RIMS2: variants seen among roughly 807,000 people sequenced by gnomAD.
RIMS2 encodes the protein regulating synaptic membrane exocytosis 2.
Under a neutral mutation model 174.4 loss-of-function variants are expected in RIMS2, and 59 were observed. The ratio of observed to expected loss-of-function variants is 0.34; its 90% confidence interval spans 0.27 to 0.42. The LOEUF is 0.42. Ranked by LOEUF, RIMS2 falls within the 10% of genes least tolerant of loss-of-function variation. The pLI is 1.00. For missense variants in RIMS2, 1,620 were observed against 1,666.3 expected (o/e 0.97, Z 0.48); for synonymous variants, 606 against 572.5 (o/e 1.06, Z -0.84).
chr8:103,759,430 C>T (rs201052396), intron 2 of RIMS2, among the ~76,000 whole-genome samples: 2 of 151,620 alleles, frequency 1.3e-5, no homozygotes, highest in Non-Finnish European at 2.9e-5. Context: ...CTGGGCGTGG[C>T]GGTGGGCGCC....
chr8:104,037,566 G>A (rs1157579510), intron 19 of RIMS2, among the ~76,000 whole-genome samples: 2 of 152,160 alleles, frequency 1.3e-5, no homozygotes, highest in East Asian at 3.9e-4. Context: ...TGCGTTTGTG[G>A]ATAAAGAGGC....
chr8:104,074,191 A>G (rs1211161265), intron 19 of RIMS2, among the ~76,000 whole-genome samples: 2 of 152,190 alleles, frequency 1.3e-5, no homozygotes, highest in African/African-American at 4.8e-5. Context: ...AATGTAAGTC[A>G]GGAATACTTT....
chr8:104,243,807 C>G (rs1256235024), intron 19 of RIMS2, among the ~76,000 whole-genome samples: 2 of 152,190 alleles, frequency 1.3e-5, no homozygotes, highest in Non-Finnish European at 2.9e-5. Context: ...TAATCGAGTA[C>G]AAATCATTTG....
intron 19 of RIMS2, among the ~76,000 whole-genome samples, chr8:104,217,416 G>A (rs573259706): frequency 2.6e-5 from 4 of 152,010 alleles, no homozygotes; most frequent in East Asian, 3.9e-4. Context: ...CTACAGGCAC[G>A]CACCACCACA....
chr8:103,733,826 T>G (rs895097327), intron 2 of RIMS2, among the ~76,000 whole-genome samples: 4 of 152,180 alleles, frequency 2.6e-5, no homozygotes, highest in South Asian at 2.1e-4. Flanking sequence ...TTTAAGATGG[T>G]CTTTTCTATC....
intron 14 of RIMS2, among the ~76,000 whole-genome samples, chr8:103,947,417 C>A (rs115809865): frequency 0.011 from 1,680 of 152,240 alleles, 41 homozygotes; most frequent in African/African-American, 0.038. Flanking sequence ...ATAGAGTGCA[C>A]TTACACAAGC....
intron 3 of RIMS2, among the ~76,000 whole-genome samples, chr8:103,798,469 A>G (rs952859464): frequency 6.6e-6 from 1 of 152,184 alleles, no homozygotes; most frequent in Non-Finnish European, 1.5e-5. Context: ...TTTCTATATT[A>G]TCAGTTTTTC....
intron 1 of RIMS2, among the ~76,000 whole-genome samples, chr8:103,627,500 G>T (rs909605914): frequency 6.6e-6 from 1 of 152,200 alleles, no homozygotes; most frequent in African/African-American, 2.4e-5. Context: ...ATTGATTGGG[G>T]AAGTGATAAA....
At chr8:103,842,768 T>C (rs141946858) in intron 3 of RIMS2, among the ~76,000 whole-genome samples, 2 of 152,360 alleles carry the variant, frequency 1.3e-5, no homozygotes, top group African/African-American at 4.8e-5. Flanking sequence ...TACTCATCTG[T>C]ATTAGTTTGC....
At chr8:103,725,268 T>G (rs1236877341) in intron 2 of RIMS2, among the ~76,000 whole-genome samples, 1 of 152,144 alleles carries the variant, frequency 6.6e-6, no homozygotes, top group Non-Finnish European at 1.5e-5. Context: ...ATGCACAGAA[T>G]TTAAGTATAG....
intron 2 of RIMS2, among the ~76,000 whole-genome samples, chr8:103,761,507 G>T (rs1257824735): frequency 2.0e-5 from 3 of 152,104 alleles, no homozygotes; most frequent in African/African-American, 7.2e-5. Context: ...TTTTCCTGTG[G>T]CTTCCTTATC....
At chr8:104,005,920 ACTATGTT>A (rs2095559761) in intron 17 of RIMS2, among the ~76,000 whole-genome samples, 1 of 151,880 alleles carries the variant, frequency 6.6e-6, no homozygotes, top group African/African-American at 2.4e-5. Context: ...TAGAACATAG[ACTATGTT>A]CTATGTTCTA....
intron 3 of RIMS2, among the ~76,000 whole-genome samples, chr8:103,767,481 G>A (rs1332550927): frequency 1.3e-5 from 2 of 151,936 alleles, no homozygotes; most frequent in Admixed American, 6.6e-5. Context: ...CACCGTGCCC[G>A]GCCTATTTTT....
At chr8:104,061,007 G>T (rs2096975511) in intron 19 of RIMS2, among the ~76,000 whole-genome samples, 1 of 152,116 alleles carries the variant, frequency 6.6e-6, no homozygotes. Flanking sequence ...GTCAATTTTG[G>T]AATAGGTGCA....
intron 4 of RIMS2, among the ~76,000 whole-genome samples, chr8:103,907,031 G>T (rs1001626860): frequency 1.3e-5 from 2 of 152,188 alleles, no homozygotes; most frequent in African/African-American, 4.8e-5. Flanking sequence ...TATTGTGTGT[G>T]TTAGGTAATA....
intron 1 of RIMS2, among the ~76,000 whole-genome samples, chr8:103,664,057 T>A (rs899578807): frequency 6.6e-6 from 1 of 152,196 alleles, no homozygotes; most frequent in African/African-American, 2.4e-5. Flanking sequence ...TCAATGGTGC[T>A]GGGAAAACTG....
chr8:103,843,757 A>G (rs940154502), intron 3 of RIMS2, among the ~76,000 whole-genome samples: 1 of 152,194 alleles, frequency 6.6e-6, no homozygotes, highest in Non-Finnish European at 1.5e-5. Context: ...ATGCTATGGC[A>G]TATCTATTAA....
chr8:103,945,435 C>T (rs570778472), intron 14 of RIMS2, among the ~76,000 whole-genome samples: 1 of 152,060 alleles, frequency 6.6e-6, no homozygotes, highest in Non-Finnish European at 1.5e-5. Flanking sequence ...CCAAATCATT[C>T]TATAAGGCCA....
chr8:103,905,990 C>T (rs1324026884), intron 4 of RIMS2, among the ~76,000 whole-genome samples: 1 of 151,718 alleles, frequency 6.6e-6, no homozygotes, highest in Non-Finnish European at 1.5e-5. Context: ...AACTGGAAAG[C>T]CCAATAATAC....
Sources: gnomAD v4.1 joint callset for allele counts (sites outside exome capture counted in the v4.1 genomes callset) on GRCh38, gnomAD v4.1.1 for gene constraint, MANE v1.5 for transcripts, NCBI Gene and HGNC (gene_info 2026-07-23, HGNC 2026-07-21) for gene names.